Variants in PRDM5 observed in about 807,000 individuals in gnomAD.
The protein encoded by PRDM5 is PR domain zinc finger protein 5.
A neutral mutation model predicts 81.2 loss-of-function variants in PRDM5; 56 were observed. That is an observed-to-expected ratio of 0.69 (90% CI 0.56 to 0.86). The LOEUF is 0.86. Among genes scored for constraint, PRDM5 ranks in the 40% least tolerant of loss-of-function variants. PRDM5 has a pLI of 0.00. For missense variants in PRDM5, 697 were observed against 770.1 expected (o/e 0.91, Z 1.12); for synonymous variants, 267 against 256.4 (o/e 1.04, Z -0.39).
intron 2 of PRDM5, among the ~76,000 whole-genome samples, chr4:120,903,214 T>C (rs1400862775): frequency 2.6e-5 from 4 of 152,242 alleles, no homozygotes; most frequent in Non-Finnish European, 4.4e-5. Context: ...ACCATAGATA[T>C]GGGGCATAGC....
rs190290185 is a variant in PRDM5 at position 120,819,044 on chromosome 4, C to A, written c.476-517G>T. On this transcript the variant is annotated intron_variant, in intron 4 of 15. Coordinates refer to ENST00000264808, the MANE Select transcript of PRDM5 (RefSeq NM_018699.4). ...GTGCAGGTCTGACCAAATTTCTCAG[C>A]GTGCTATTTAAATTACACATTTGTT... 4.8e-4 allele frequency among the ~76,000 whole-genome samples: 73 copies of A among 152,260 alleles called. 1 individual carries two copies. The highest frequency in any genetic ancestry group is 1.9e-4 in the Non-Finnish European group (13 of 68,018).
intron 14 of PRDM5, among the ~76,000 whole-genome samples, chr4:120,715,668 C>A (rs1265788871): frequency 6.6e-6 from 1 of 151,994 alleles, no homozygotes; most frequent in Non-Finnish European, 1.5e-5. Context: ...TTTAAAAAAA[C>A]ATACAAAGAC....
At chr4:120,818,256 G>GCGCGCGTGCA in intron 5 of PRDM5, 97 bp downstream of exon 5, 1 of 1,198,570 alleles carries the variant, frequency 8.3e-7, no homozygotes. Context: ...GTGCGCGCGT[G>GCGCGCGTGCA]CACACACACA....
At position 120,856,461 on chromosome 4, in the gene PRDM5, G is replaced by A. The variant is rs917089372; in HGVS notation, c.178-2921C>T. Among the ~76,000 whole-genome samples, 4 of 152,278 alleles carry A rather than the reference G, an allele frequency of 2.6e-5. No homozygotes were observed. The East Asian group carries it at 7.7e-4, about 29-fold the overall frequency. ...AGTCTTTGCTCTCTGGGGCCTGCCT[G>A]TTTTCTCCAGCTTTCAAGTGGCTGG... On this transcript the variant is annotated intron_variant, in intron 2 of 15. Coordinates refer to ENST00000264808, the MANE Select transcript of PRDM5 (RefSeq NM_018699.4).
At chr4:120,885,769 G>C (rs1180088584) in intron 2 of PRDM5, 1 of 151,098 alleles carries the variant, frequency 6.6e-6, no homozygotes, top group Admixed American at 6.6e-5. Flanking sequence ...ACTCCAGTCG[G>C]GAGACAGAGC....
intron 1 of PRDM5, among the ~76,000 whole-genome samples, chr4:120,917,104 T>G (rs554946124): frequency 6.6e-6 from 1 of 152,306 alleles, no homozygotes; most frequent in East Asian, 1.9e-4. Context: ...GCAGTGGATC[T>G]TCCCCTAACA....
chr4:120,896,552 G>A (rs1172069093), intron 2 of PRDM5: 1 of 151,814 alleles, frequency 6.6e-6, no homozygotes, highest in Non-Finnish European at 1.5e-5. Context: ...CTTTTAAATA[G>A]TTTGAAGTTT....
chr4:120,914,372 A>C (rs1287761754), intron 1 of PRDM5, among the ~76,000 whole-genome samples: 1 of 152,210 alleles, frequency 6.6e-6, no homozygotes, highest in Non-Finnish European at 1.5e-5. Flanking sequence ...AGTGAAAACC[A>C]TGACCAGATA....
At chr4:120,742,889 G>C (rs560330648) in intron 14 of PRDM5, among the ~76,000 whole-genome samples, 1 of 152,250 alleles carries the variant, frequency 6.6e-6, no homozygotes, top group African/African-American at 2.4e-5. Flanking sequence ...CCCCAATCTA[G>C]CAAGGCAGGC....
intron 2 of PRDM5, among the ~76,000 whole-genome samples, chr4:120,861,345 TAA>T (rs1162482094): frequency 1.3e-5 from 2 of 152,170 alleles, no homozygotes; most frequent in Non-Finnish European, 2.9e-5. Context: ...TACAGCATAT[TAA>T]AAGAGTTTAC....
At chr4:120,688,381 CTTG>C (rs1733911493), downstream of PRDM5, among the ~76,000 whole-genome samples, 1 of 151,934 alleles carries the variant, frequency 6.6e-6, no homozygotes, top group Non-Finnish European at 1.5e-5. Context: ...TGGATATTAA[CTTG>C]TTAACAGATA....
chr4:120,847,631 C>T (rs961485539), intron 3 of PRDM5, among the ~76,000 whole-genome samples: 11 of 152,174 alleles, frequency 7.2e-5, no homozygotes, highest in Non-Finnish European at 1.2e-4. Context: ...TAAAATCATA[C>T]TGCATGTTTG....
intron 8 of PRDM5, among the ~76,000 whole-genome samples, chr4:120,806,202 CACAA>C (rs1215312016): frequency 1.3e-5 from 2 of 152,132 alleles, no homozygotes; most frequent in Non-Finnish European, 2.9e-5. Flanking sequence ...TAAAAGAGGA[CACAA>C]ACAAATGGAA....
At position 120,898,105 on chromosome 4, in the gene PRDM5, A is replaced by G. The variant is rs1764851227; in HGVS notation, c.177+9369T>C. Among the ~76,000 whole-genome samples, 3 of 152,280 alleles carry G rather than the reference A, an allele frequency of 2.0e-5. No individual in the cohort carries two copies. The South Asian group carries it at 6.2e-4, about 32-fold the overall frequency. ...CTGTTTTCTATCAGGCAGAGCAGAA[A>G]CTGTTCACCTTAAACGCATCAGGGA... is the stretch of plus-strand genomic sequence containing the variant. On this transcript the variant is annotated intron_variant, in intron 2 of 15. Coordinates refer to ENST00000264808, the MANE Select transcript of PRDM5 (RefSeq NM_018699.4).
Position 120,882,690 on chromosome 4 carries a change from T to C in PRDM5, c.177+24784A>G, listed in dbSNP as rs573885543. Among the ~76,000 whole-genome samples the C allele has an allele frequency of 3.1e-4, 47 of 152,334 alleles. 1 individual carries two copies. The highest frequency in any genetic ancestry group is 6.8e-3 in the Middle Eastern group (2 of 294). On this transcript the variant is annotated intron_variant, in intron 2 of 15. Transcript: ENST00000264808. ...TAATCTACAATCTACAAAGGTATTA[T>C]TGGAAATCATGTTGTCTGTATGAAA...
At chr4:120,808,906 C>T (rs28810489) in intron 8 of PRDM5, among the ~76,000 whole-genome samples, 8,486 of 152,292 alleles carry the variant, frequency 0.056, 365 homozygotes, top group Middle Eastern at 0.15. Context: ...CACGCTGGCC[C>T]GCAAGCGCCG....
chr4:120,746,233 T>G (rs1281910049), intron 14 of PRDM5, among the ~76,000 whole-genome samples: 1 of 122,472 alleles, frequency 8.2e-6, no homozygotes, highest in Non-Finnish European at 1.7e-5. Flanking sequence ...TAGCCATATG[T>G]AGAAAGCTGA....
chr4:120,750,853 T>C (rs1183288175), intron 14 of PRDM5, among the ~76,000 whole-genome samples: 1 of 151,808 alleles, frequency 6.6e-6, no homozygotes, highest in African/African-American at 2.4e-5. Context: ...ATGGTGGAAA[T>C]ACCAAAGAAA....
In PRDM5 at chr4:120,889,265, A is replaced by C. The variant is rs909575778; in HGVS notation, c.177+18209T>G. Among the ~76,000 whole-genome samples the C allele has an allele frequency of 2.0e-5, 3 of 152,196 alleles. No individual in the cohort carries two copies. The East Asian group carries it at 5.8e-4, about 29-fold the overall frequency. ...CATATATGATGTGAATTAGGGGTCA[A>C]AATACTATTTTTCCATGAGGATATA... is the stretch of plus-strand genomic sequence containing the variant. On this transcript the variant is annotated intron_variant, in intron 2 of 15. Coordinates refer to ENST00000264808, the MANE Select transcript of PRDM5 (RefSeq NM_018699.4).
Sources: gnomAD v4.1 joint callset for allele counts (sites outside exome capture counted in the v4.1 genomes callset) on GRCh38, gnomAD v4.1.1 for gene constraint, MANE v1.5 for transcripts, NCBI Gene and HGNC (gene_info 2026-07-23, HGNC 2026-07-21) for gene names.